The following PTPRN2 variants were observed in gnomAD, a reference collection of about 807,000 sequenced individuals.
PTPRN2 encodes receptor-type tyrosine-protein phosphatase N2.
PTPRN2 carries 74 observed loss-of-function variants against 118.8 expected under a neutral mutation model. The ratio of observed to expected loss-of-function variants is 0.62; its 90% confidence interval spans 0.52 to 0.76. PTPRN2 has a LOEUF of 0.76. Ranked by LOEUF, PTPRN2 falls within the 30% of genes least tolerant of loss-of-function variation. The pLI is 0.00. For synonymous variants in PTPRN2, 641 were observed against 608.0 expected (o/e 1.05, Z -0.80); for missense variants, 1,481 against 1,394.4 (o/e 1.06, Z -0.99).
At chr7:157,556,636 C>T (rs1798902484) in intron 21 of PTPRN2, among the ~76,000 whole-genome samples, 1 of 151,480 alleles carries the variant, frequency 6.6e-6, no homozygotes, top group Non-Finnish European at 1.5e-5. Flanking sequence ...TGCACATGCA[C>T]ACACACACAT....
At chr7:158,340,797 GTCAC>G (rs1806593576) in intron 2 of PTPRN2, among the ~76,000 whole-genome samples, 1 of 71,642 alleles carries the variant, frequency 1.4e-5, no homozygotes, top group East Asian at 4.7e-4. Flanking sequence ...ACCTGCAGAC[GTCAC>G]TCACACCCAC....
rs1797427221 is a variant in PTPRN2 at position 157,690,590 on chromosome 7, G to A, written c.1789-7653C>T. 6.6e-6 allele frequency among the ~76,000 whole-genome samples: 1 copy of A among 151,758 alleles called. No homozygotes were observed. Among genetic ancestry groups the A allele is most frequent in the African/African-American group, 2.4e-5 (1 of 41,396 alleles). On this transcript the variant is annotated intron_variant, in intron 12 of 22. Transcript: ENST00000389418. The surrounding 1 kb of genome is among the most constrained non-coding windows in gnomAD (Gnocchi z 7.1). ...GGCGCCCAGCGCCCGCGCGGGAGGA[G>A]GTGGGGGCGTGCGCCGGGCCGAGCG...
intron 2 of PTPRN2, among the ~76,000 whole-genome samples, chr7:158,337,231 C>T (rs200076227): frequency 0.013 from 1,612 of 127,000 alleles, 1 homozygote; most frequent in Middle Eastern, 0.031. Flanking sequence ...TCACTAACAC[C>T]CACATTCTCA....
At position 158,071,094 on chromosome 7, in the gene PTPRN2, T is replaced by C. The variant is rs938382658; in HGVS notation, c.1723+10204A>G. Reference sequence around the variant, plus strand: ...GTGGTGGTGGAGGTGCCCGTGGTGGTGGAGGTGCTCGTGGTGGTGGAGGTG... The same window carrying C: ...GTGGTGGTGGAGGTGCCCGTGGTGGCGGAGGTGCTCGTGGTGGTGGAGGTG... On this transcript the variant is annotated intron_variant, in intron 11 of 22. Transcript: ENST00000389418. 6.4e-5 allele frequency among the ~76,000 whole-genome samples: 6 copies of C among 93,556 alleles called. No individual in the cohort carries two copies. The East Asian group carries it at 9.1e-4, about 14-fold the overall frequency. 61.4% of individuals were successfully genotyped at this position (93,556 alleles called of 152,430 possible). A position where few individuals can be genotyped will look rare whatever the true frequency, so the allele number is the denominator to read the frequency against.
chr7:157,604,388 G>A (rs533771803), intron 15 of PTPRN2, among the ~76,000 whole-genome samples: 3 of 152,326 alleles, frequency 2.0e-5, no homozygotes, highest in East Asian at 3.9e-4. Context: ...GGAGGCAGAC[G>A]AACGGCATGT....
At chr7:158,355,029 A>G (rs78628831) in intron 2 of PTPRN2, among the ~76,000 whole-genome samples, 1 of 484 alleles carries the variant, frequency 2.1e-3, no homozygotes, top group African/African-American at 0.01. Flanking sequence ...TTGAAAGGAA[A>G]AAAAAAAAAA....
At chr7:157,678,060 TGAC>T (rs1450504902) in intron 13 of PTPRN2, among the ~76,000 whole-genome samples, 1 of 152,256 alleles carries the variant, frequency 6.6e-6, no homozygotes, top group African/African-American at 2.4e-5. Flanking sequence ...TTTTCAGGCT[TGAC>T]TTTACAATAA....
At chr7:157,853,055 G>T (rs887897069) in intron 12 of PTPRN2, among the ~76,000 whole-genome samples, 28 of 152,086 alleles carry the variant, frequency 1.8e-4, no homozygotes, top group African/African-American at 6.0e-4. Flanking sequence ...GATGGTCTCT[G>T]GGGCCGTCCT....
chr7:158,177,064 G>T (rs1824271146), intron 5 of PTPRN2, among the ~76,000 whole-genome samples: 1 of 152,244 alleles, frequency 6.6e-6, no homozygotes. Flanking sequence ...ACTGTGGGCA[G>T]TCATGGGCCA....
In PTPRN2 at chr7:158,587,578, C is replaced by G. The variant is rs1829050179; in HGVS notation, c.92G>C (p.Arg31Pro). The change falls in exon 1 of 23, where the codon CGG becomes CCG. Residue 31 changes from arginine (R) to proline (P), a missense_variant. Physicochemically the swap from Arg to Pro is moderately radical, Grantham distance 103. Around this residue, in one of 3 missense-constraint regions of PTPRN2, gnomAD observed 1,115 missense variants for 994.2 expected, o/e 1.12. Transcript: ENST00000389418. ...CTCACCCAGACGCCCCGGGAGCTGCCGGCCGCGGGGGACGGACGAAGGGGC... is the reference window on the plus strand; with the variant it reads ...CTCACCCAGACGCCCCGGGAGCTGCGGGCCGCGGGGGACGGACGAAGGGGC... ...PAAPSSVPRG[R>P]QLPGRLGCLL... The G allele has an allele frequency of 7.5e-7, 1 of 1,335,598 alleles. No individual in the cohort carries two copies. Among genetic ancestry groups the G allele is most frequent in the Non-Finnish European group, 9.5e-7 (1 of 1,048,308 alleles). The allele number at this position is 1,335,598 out of a possible 1,614,324, so 82.7% of individuals were successfully genotyped here. A position where few individuals can be genotyped will look rare whatever the true frequency, so the allele number is the denominator to read the frequency against.
At chr7:158,458,408 A>G (rs562131000) in intron 2 of PTPRN2, among the ~76,000 whole-genome samples, 1 of 152,154 alleles carries the variant, frequency 6.6e-6, no homozygotes, top group Non-Finnish European at 1.5e-5. Flanking sequence ...TGTCTTAGAA[A>G]TATTGACACT....
rs1335717251 is a variant in PTPRN2 at position 158,342,221 on chromosome 7, C to T, written c.164-25289G>A. Among the ~76,000 whole-genome samples, 5 of 133,594 alleles carry T rather than the reference C, an allele frequency of 3.7e-5. No individual in the cohort carries two copies. In the East Asian group the frequency reaches 1.2e-3, roughly 31 times the overall value. The allele number at this position is 133,594 out of a possible 152,430, so 87.6% of individuals were successfully genotyped here. ...CACTCACACCCACACACGTCACTCA[C>T]ACTCACACTCTCACCATAAGAGCTG... On this transcript the variant is annotated intron_variant, in intron 2 of 22. Coordinates refer to ENST00000389418, the MANE Select transcript of PTPRN2 (RefSeq NM_002847.5).
chr7:157,863,787 C>T (rs1400112418), intron 12 of PTPRN2: 1 of 152,170 alleles, frequency 6.6e-6, no homozygotes, highest in Admixed American at 6.5e-5. Context: ...GATATCTGGA[C>T]ACAGAGACAG....
chr7:157,896,911 A>G (rs541003970), intron 12 of PTPRN2, among the ~76,000 whole-genome samples: 49 of 152,196 alleles, frequency 3.2e-4, no homozygotes, highest in African/African-American at 1.2e-3. Context: ...GATGAACCCC[A>G]GAGTCTCCCA....
chr7:158,316,472 G>A (rs896653315), intron 3 of PTPRN2, among the ~76,000 whole-genome samples: 1 of 152,192 alleles, frequency 6.6e-6, no homozygotes, highest in Non-Finnish European at 1.5e-5. Flanking sequence ...ACAGGCAGAG[G>A]CTGATTCTCT....
At chr7:157,555,526 G>A (rs1024913314) in intron 21 of PTPRN2, among the ~76,000 whole-genome samples, 1 of 152,168 alleles carries the variant, frequency 6.6e-6, no homozygotes, top group Non-Finnish European at 1.5e-5. Flanking sequence ...CAGTGAACAC[G>A]GACGGATGGG....
intron 11 of PTPRN2, among the ~76,000 whole-genome samples, chr7:157,923,945 G>A (rs1798826939): frequency 6.6e-6 from 1 of 152,168 alleles, no homozygotes; most frequent in Admixed American, 6.5e-5. Context: ...GAGGAGGCTG[G>A]CTTTGGTGTG....
In PTPRN2 at chr7:158,165,410, G is replaced by C. The variant is rs73173662; in HGVS notation, c.910+1521C>G. ...GCAGCACTCACTCAAGTGCAGCATC[G>C]GCCTCCTCCGCCGTCCTTCTCCTCC... On this transcript the variant is annotated intron_variant, in intron 6 of 22. Transcript: ENST00000389418. 1.2e-4 allele frequency among the ~76,000 whole-genome samples: 18 copies of C among 152,338 alleles called. No individual in the cohort carries two copies. The Middle Eastern group carries it at 0.01, about 86-fold the overall frequency.
At chr7:158,499,311 A>T (rs983083759) in intron 1 of PTPRN2, among the ~76,000 whole-genome samples, 1 of 152,120 alleles carries the variant, frequency 6.6e-6, no homozygotes, top group African/African-American at 2.4e-5. Flanking sequence ...CTCCCTGGTG[A>T]CTCGTCCGCT....
Sources: gnomAD v4.1 joint callset for allele counts (sites outside exome capture counted in the v4.1 genomes callset) on GRCh38, gnomAD v4.1.1 for gene constraint, gnomAD v4.1.1 regional missense constraint, Gnocchi (gnomAD v3.1) non-coding constraint, MANE v1.5 for transcripts, NCBI Gene and HGNC (gene_info 2026-07-23, HGNC 2026-07-21) for gene names.